GREB1: variants seen among roughly 807,000 people sequenced by gnomAD.
GREB1 encodes growth regulating estrogen receptor binding 1.
Under a neutral mutation model 200.7 loss-of-function variants are expected in GREB1, and 106 were observed. The observed-to-expected ratio is 0.53, with a 90% CI of 0.45 to 0.62. The LOEUF (loss-of-function observed/expected upper bound fraction) is 0.62, where lower values mean the gene tolerates loss of function less well. Ranked by LOEUF, GREB1 falls within the 20% of genes least tolerant of loss-of-function variation. The probability of loss-of-function intolerance (pLI) is 0.00; values close to 1 mark genes in which losing one functional copy is unlikely to be tolerated. For missense variants in GREB1, 2,243 were observed against 2,556.8 expected (o/e 0.88, Z 2.65); for synonymous variants, 1,132 against 1,092.4 (o/e 1.04, Z -0.72).
chr2:11,524,329 G>A (rs1358554754), intron 1 of GREB1, among the ~76,000 whole-genome samples: 1 of 152,168 alleles, frequency 6.6e-6, no homozygotes, highest in Admixed American at 6.5e-5. Context: ...TTGCAATGCA[G>A]TTGCTAATTG....
In GREB1 at chr2:11,597,667, G is replaced by A. The variant is rs988744753; in HGVS notation, c.1955-114G>A. ...GTGAGTTATTCCCCTTTCCCTCATC[G>A]CTTTGTGAATGGGGCCGTCTCCCCT... On this transcript the variant is annotated intron_variant, in intron 13 of 32. Transcript: ENST00000381486. The surrounding 1 kb of genome is among the most constrained non-coding windows in gnomAD (Gnocchi z 4.1). The A allele has an allele frequency of 1.7e-5, 15 of 881,756 alleles. No individual in the cohort carries two copies. Among genetic ancestry groups the A allele is most frequent in the Admixed American group, 7.3e-5 (4 of 54,470 alleles). 54.6% of individuals were successfully genotyped at this position (881,756 alleles called of 1,614,324 possible).
intron 16 of GREB1, 87 bp from the exon 17 acceptor site, chr2:11,602,319 C>G: frequency 1.6e-6 from 2 of 1,227,456 alleles, no homozygotes; most frequent in Non-Finnish European, 2.4e-6. Context: ...AGTTGCCAAC[C>G]CAGGTCATCC....
At chr2:11,522,816 C>T (rs1180145891) in intron 1 of GREB1, among the ~76,000 whole-genome samples, 2 of 152,242 alleles carry the variant, frequency 1.3e-5, no homozygotes, top group Non-Finnish European at 2.9e-5. Context: ...TTTGCCTGTG[C>T]AGGCTTGAAA....
intron 19 of GREB1, among the ~76,000 whole-genome samples, chr2:11,613,186 G>T (rs1395782092): frequency 6.6e-6 from 1 of 152,144 alleles, no homozygotes; most frequent in Non-Finnish European, 1.5e-5. Context: ...TCCACTCGAT[G>T]TCCGCTGGTG....
chr2:11,563,345 C>G (rs569589355), intron 3 of GREB1, among the ~76,000 whole-genome samples: 10 of 152,300 alleles, frequency 6.6e-5, no homozygotes, highest in African/African-American at 2.4e-4. Context: ...GGACCCTGTA[C>G]AGTCAGTAAT....
intron 1 of GREB1, among the ~76,000 whole-genome samples, chr2:11,526,796 G>A (rs1041571655): frequency 1.8e-4 from 27 of 152,088 alleles, no homozygotes; most frequent in Admixed American, 1.3e-3. Flanking sequence ...GACCTCAAGT[G>A]ATCCACCCAC....
At chr2:11,534,639 G>T (rs1419980875) in intron 1 of GREB1, among the ~76,000 whole-genome samples, 1 of 152,180 alleles carries the variant, frequency 6.6e-6, no homozygotes, top group East Asian at 1.9e-4. Flanking sequence ...CTCCTCTTGT[G>T]TGATTGTTGA....
At chr2:11,573,534 G>A (rs941688789) in intron 4 of GREB1, among the ~76,000 whole-genome samples, 6 of 152,108 alleles carry the variant, frequency 3.9e-5, no homozygotes, top group African/African-American at 1.4e-4. Context: ...GAACATTTTT[G>A]TTGCCTTTCC....
At chr2:11,532,223 T>G (rs149903089), upstream of GREB1, among the ~76,000 whole-genome samples, 112 of 152,310 alleles carry the variant, frequency 7.4e-4, no homozygotes, top group African/African-American at 2.6e-3. Context: ...GAGCCCTTCA[T>G]CAGTCAACAC....
chr2:11,503,275 A>G (rs1673096356), intron 1 of GREB1, among the ~76,000 whole-genome samples: 1 of 152,152 alleles, frequency 6.6e-6, no homozygotes. Flanking sequence ...CACGTTTATT[A>G]CATAAATCTG....
chr2:11,629,866 G>T lies in GREB1; in HGVS notation c.4450-82G>T, dbSNP rs947144891. 6.5e-6 allele frequency: 9 copies of T among 1,384,818 alleles called. No individual in the cohort carries two copies. In the African/African-American group the frequency reaches 9.9e-5, roughly 15 times the overall value. The allele number at this position is 1,384,818 out of a possible 1,614,324, so 85.8% of individuals were successfully genotyped here. On this transcript the variant is annotated intron_variant, in intron 25 of 32. Transcript: ENST00000381486. This position sits in a 1 kb window ranked among gnomAD's most constrained non-coding sequence, Gnocchi z 5.2. ...AAGTGGTGACTGTGAGCTGCACGTT[G>T]TCACAGCAGAGTGGGCCTGGGGTCT...
At chr2:11,519,800 G>A (rs1433786438) in intron 1 of GREB1, among the ~76,000 whole-genome samples, 1 of 152,104 alleles carries the variant, frequency 6.6e-6, no homozygotes, top group East Asian at 1.9e-4. Flanking sequence ...CAAGACTAAA[G>A]TTCTGTGAGA....
chr2:11,585,312 G>A, intron 8 of GREB1, 38 bp downstream of exon 8: 1 of 1,277,208 alleles, frequency 7.8e-7, no homozygotes, highest in Non-Finnish European at 1.1e-6. Flanking sequence ...TCCAGACTTG[G>A]GTACTGGTGG....
chr2:11,635,392 A>T lies in GREB1; in HGVS notation c.5333A>T (p.His1778Leu), dbSNP rs201765811. ...QIVVGGHRSF[H>L]ITSKVSDNSA... ...GTGGTGGGCGGCCACAGGTCCTTCC[A>T]CATCACATCCAAGGTGAGCTCCTCG... is the stretch of plus-strand genomic sequence containing the variant. Residue 1778 changes from histidine to leucine, a missense_variant, in exon 30 of 33, where the codon CAC (histidine) becomes CTC (leucine). His to Leu is a moderately conservative substitution (Grantham distance 99). Around this residue, in one of 3 missense-constraint regions of GREB1, gnomAD observed 478 missense variants for 616.3 expected, o/e 0.78. Transcript: ENST00000381486. The T allele has an allele frequency of 3.4e-5, 54 of 1,610,890 alleles. 1 individual carries two copies.
In GREB1 at chr2:11,630,045, A is replaced by G. The variant is rs1213079939; in HGVS notation, c.4547A>G (p.His1516Arg). 6.2e-7 allele frequency: 1 copy of G among 1,614,212 alleles called. No individual in the cohort carries two copies. Among genetic ancestry groups the G allele is most frequent in the African/African-American group, 1.3e-5 (1 of 75,060 alleles). Reference protein sequence around the residue: ...HFIIPKSKEHHFVFSQPGGQL... With the variant: ...HFIIPKSKEHRFVFSQPGGQL... ...ATCATCCCCAAGTCCAAGGAGCACC[A>G]CTTTGTCTTCAGCCAACCTGGAGGC... Residue 1516 changes from histidine to arginine, a missense_variant, in exon 26 of 33, where the codon CAC (histidine) becomes CGC (arginine). By Grantham distance (29) the His-to-Arg change is conservative. Around this residue, in one of 3 missense-constraint regions of GREB1, gnomAD observed 478 missense variants for 616.3 expected, o/e 0.78. Transcript: ENST00000381486.
At chr2:11,539,605 A>G (rs1674572436) in intron 1 of GREB1, among the ~76,000 whole-genome samples, 2 of 152,180 alleles carry the variant, frequency 1.3e-5, no homozygotes. Flanking sequence ...CAAGTACACA[A>G]ACTTCCATGT....
chr2:11,515,954 G>T lies in GREB1; in HGVS notation c.-159+33573G>T, dbSNP rs73187478. Among the ~76,000 whole-genome samples, 1,120 of 152,304 alleles carry T rather than the reference G, an allele frequency of 7.4e-3. 13 individuals are homozygous for T. Among genetic ancestry groups the T allele is most frequent in the African/African-American group, 0.025 (1,038 of 41,570 alleles). ...GGCAAGACAGCACTTCGGGCATGCC[G>T]CAGAAACACAACCAGAGAAAAGCTC... is the stretch of plus-strand genomic sequence containing the variant. On this transcript the variant is annotated intron_variant, in intron 1 of 2. Transcript: ENST00000628795.
Position 11,600,951 on chromosome 2 carries a change from A to G in GREB1, c.2485A>G (p.Ile829Val). The G allele has an allele frequency of 6.2e-7, 1 of 1,613,846 alleles. No homozygotes were observed. The highest frequency in any genetic ancestry group is 8.5e-7 in the Non-Finnish European group (1 of 1,179,786). ...TGCACTGCAGACACAGCACACCCTCATCAGCCCCTACAACGAGATCCACTG... is the reference window on the plus strand; with the variant it reads ...TGCACTGCAGACACAGCACACCCTCGTCAGCCCCTACAACGAGATCCACTG... ...PYALQTQHTL[I>V]SPYNEIHWPA... The change falls in exon 16 of 33, where the codon ATC becomes GTC. Residue 829 changes from isoleucine (I) to valine (V), a missense_variant. By Grantham distance (29) the Ile-to-Val change is conservative. Around this residue, in one of 3 missense-constraint regions of GREB1, gnomAD observed 1,178 missense variants for 1,387.4 expected, o/e 0.85. Transcript: ENST00000381486.
intron 4 of GREB1, among the ~76,000 whole-genome samples, chr2:11,568,045 T>A (rs1031830132): frequency 5.3e-5 from 8 of 152,206 alleles, no homozygotes; most frequent in African/African-American, 1.4e-4. Flanking sequence ...TTGGTAATAA[T>A]CCACTTCAGA....
Sources: allele counts gnomAD v4.1 joint callset (sites outside exome capture counted in the v4.1 genomes callset), GRCh38; gene constraint gnomAD v4.1.1; regional missense constraint gnomAD v4.1.1; non-coding constraint Gnocchi (gnomAD v3.1); transcripts MANE v1.5; gene names NCBI Gene and HGNC (gene_info 2026-07-23, HGNC 2026-07-21).